ATP2A2: variants seen among roughly 807,000 people sequenced by gnomAD.
The protein encoded by ATP2A2 is ATPase sarcoplasmic/endoplasmic reticulum Ca2+ transporting 2.
Under a neutral mutation model 109.3 loss-of-function variants are expected in ATP2A2, and 14 were observed. The observed-to-expected ratio is 0.13, with a 90% confidence interval of 0.08 to 0.20. ATP2A2 has a LOEUF of 0.20. ATP2A2 is among the 10% of genes least tolerant of loss of function. The probability of loss-of-function intolerance (pLI) is 1.00; values close to 1 mark genes in which losing one functional copy is unlikely to be tolerated. For synonymous variants in ATP2A2, 506 were observed against 490.9 expected, an observed-to-expected ratio of 1.03 and a Z score of -0.41; for missense variants, 657 against 1,321.6, an observed-to-expected ratio of 0.50 and a Z score of 7.80.
At chr12:110,282,561 C>G in intron 1 of ATP2A2, 43 bp from the exon 2 acceptor site, 1 of 1,599,392 alleles carries the variant, frequency 6.3e-7, no homozygotes, top group African/African-American at 1.4e-5. Flanking sequence ...TTTTTTTAAC[C>G]TCCCTCTTGA....
chr12:110,308,017 C>A lies in ATP2A2; in HGVS notation c.463+11280C>A, dbSNP rs1039828500. On this transcript the variant is annotated intron_variant, in intron 5 of 19. Transcript: ENST00000539276. Reference sequence around the variant, plus strand: ...TTTAATTTGCCTTGAGTTAGGAATTCTTTTTTCAATTTCATTTTCAGATTG... The same window carrying A: ...TTTAATTTGCCTTGAGTTAGGAATTATTTTTTCAATTTCATTTTCAGATTG... Among the ~76,000 whole-genome samples, 26 of 152,034 alleles carry A rather than the reference C, an allele frequency of 1.7e-4. 1 individual carries two copies. Among genetic ancestry groups the A allele is most frequent in the Admixed American group, 2.6e-4 (4 of 15,266 alleles).
At chr12:110,310,603 A>G (rs759321980) in intron 5 of ATP2A2, among the ~76,000 whole-genome samples, 3 of 152,200 alleles carry the variant, frequency 2.0e-5, no homozygotes, top group Non-Finnish European at 2.9e-5. Flanking sequence ...GTCTTGTAGT[A>G]TATACTCTGG....
At chr12:110,288,352 A>G (rs905053670) in intron 3 of ATP2A2, among the ~76,000 whole-genome samples, 1 of 151,712 alleles carries the variant, frequency 6.6e-6, no homozygotes, top group African/African-American at 2.4e-5. Context: ...GATTTTCCCA[A>G]AGCATTAGGA....
At position 110,349,296 on chromosome 12, in the gene ATP2A2, C is replaced by G; in HGVS notation, c.*2826C>G. 1.0e-6 allele frequency: 1 copy of G among 985,530 alleles called. No individual in the cohort carries two copies. 61.0% of individuals were successfully genotyped at this position (985,530 alleles called of 1,614,324 possible). A position where few individuals can be genotyped will look rare whatever the true frequency, so the allele number is the denominator to read the frequency against. On this transcript the variant is annotated 3_prime_UTR_variant, in exon 20 of 20. Coordinates refer to ENST00000539276, the MANE Select transcript of ATP2A2 (RefSeq NM_170665.4). ...ACCTAACAGTGAGGCAGCAGCTGCC[C>G]AGCCCCGCAATGTGCCTGCTGTCAG...
chr12:110,280,829 A>G (rs2137666513), upstream of ATP2A2: 1 of 152,374 alleles, frequency 6.6e-6, no homozygotes, highest in East Asian at 1.9e-4. Context: ...AGGCGAGCCA[A>G]GGACATCAGC....
In ATP2A2 at chr12:110,340,097, CAGAGT is replaced by C. The variant is rs1347185313; in HGVS notation, c.1761+380_1761+384del. 6.6e-6 allele frequency among the ~76,000 whole-genome samples: 1 copy of C among 152,116 alleles called. No homozygotes were observed. Among genetic ancestry groups the C allele is most frequent in the Non-Finnish European group, 1.5e-5 (1 of 68,014 alleles). On this transcript the variant is annotated intron_variant, in intron 13 of 19. Transcript: ENST00000539276. This position sits in a 1 kb window ranked among gnomAD's most constrained non-coding sequence, Gnocchi z 6.0. Reference sequence around the variant, plus strand: ...TGGAGATTACTTCCACTTTTCTACTCAGAGTAGAATTCTTTTATATCAAGGATGTG... The same window carrying C: ...TGGAGATTACTTCCACTTTTCTACTCAGAATTCTTTTATATCAAGGATGTG...
chr12:110,328,594 G>A (rs980060229), intron 8 of ATP2A2, among the ~76,000 whole-genome samples: 4 of 152,040 alleles, frequency 2.6e-5, no homozygotes, highest in African/African-American at 9.7e-5. Flanking sequence ...AAAAGACAAG[G>A]TCTCATTCTG....
At chr12:110,300,241 A>T (rs1592808724) in intron 5 of ATP2A2, among the ~76,000 whole-genome samples, 1 of 132,890 alleles carries the variant, frequency 7.5e-6, no homozygotes, top group South Asian at 2.4e-4. Context: ...TGTCCAGGCT[A>T]CAGTGGAGTA....
chr12:110,334,486 C>T (rs78050884), intron 11 of ATP2A2, among the ~76,000 whole-genome samples: 1,776 of 152,182 alleles, frequency 0.012, 52 homozygotes, highest in African/African-American at 0.04. Context: ...AGATGTTCTT[C>T]AGCATAGGGG....
At chr12:110,304,339 A>G (rs979869793) in intron 5 of ATP2A2, among the ~76,000 whole-genome samples, 1 of 152,202 alleles carries the variant, frequency 6.6e-6, no homozygotes, top group Non-Finnish European at 1.5e-5. Flanking sequence ...GTGACTCTAT[A>G]CTTAACATTT....
Position 110,347,521 on chromosome 12 carries a change from T to C in ATP2A2, c.*1051T>C. ...ATTGTCATCTGTGATGTACATTTTA[T>C]GCAAGTTTCTGCTGGCCTGGTATAG... On this transcript the variant is annotated 3_prime_UTR_variant, in exon 20 of 20. Coordinates refer to ENST00000539276, the MANE Select transcript of ATP2A2 (RefSeq NM_170665.4). 7.8e-7 allele frequency: 1 copy of C among 1,288,750 alleles called. No individual in the cohort carries two copies. The highest frequency in any genetic ancestry group is 1.0e-6 in the Non-Finnish European group (1 of 988,312). The allele number at this position is 1,288,750 out of a possible 1,614,324, so 79.8% of individuals were successfully genotyped here.
chr12:110,318,804 C>A (rs1032579742), intron 5 of ATP2A2, among the ~76,000 whole-genome samples: 24 of 152,172 alleles, frequency 1.6e-4, no homozygotes, highest in African/African-American at 5.3e-4. Context: ...TATGTTTCTT[C>A]AATATCTTTC....
At chr12:110,306,066 C>CT (rs570291416) in intron 5 of ATP2A2, among the ~76,000 whole-genome samples, 1 of 152,284 alleles carries the variant, frequency 6.6e-6, no homozygotes, top group South Asian at 2.1e-4. Flanking sequence ...GAGTCTCGCT[C>CT]TTTCACCGCT....
chr12:110,326,388 A>G lies in ATP2A2; in HGVS notation c.545-2A>G. On this transcript the variant is annotated splice_acceptor_variant, in intron 6 of 19. Coordinates refer to ENST00000539276, the MANE Select transcript of ATP2A2 (RefSeq NM_170665.4). LOFTEE classifies it high-confidence loss of function. ...GTTTTTTCTGTCTCACAACCCGCTT[A>G]GGTGAATCTGTCTCTGTCATCAAGC... 6.2e-7 allele frequency: 1 copy of G among 1,613,738 alleles called. No homozygotes were observed. The highest frequency in any genetic ancestry group is 8.5e-7 in the Non-Finnish European group (1 of 1,179,792).
rs1186445239 is a variant in ATP2A2 at position 110,350,845 on chromosome 12, A to C, written c.*4375A>C. 2 of 162,766 alleles carry C rather than the reference A, an allele frequency of 1.2e-5. No individual in the cohort carries two copies. The highest frequency in any genetic ancestry group is 2.7e-5 in the Non-Finnish European group (2 of 73,242). 10.1% of individuals were successfully genotyped at this position (162,766 alleles called of 1,614,324 possible). ...CCAGTTCATTTTCAGTTATTTTCTGAGTGTGCAGACAGCTATTTCGCACTG... is the reference window on the plus strand; with the variant it reads ...CCAGTTCATTTTCAGTTATTTTCTGCGTGTGCAGACAGCTATTTCGCACTG... On this transcript the variant is annotated 3_prime_UTR_variant, in exon 20 of 20. Transcript: ENST00000539276.
intron 15 of ATP2A2, 132 bp from the exon 16 acceptor site, chr12:110,343,100 A>T (rs3026483): frequency 1.1e-6 from 1 of 934,596 alleles, no homozygotes. Flanking sequence ...AAAATTGGGT[A>T]TAAGTATTTT....
In ATP2A2 at chr12:110,349,300, C is replaced by A; in HGVS notation, c.*2830C>A. The A allele has an allele frequency of 2.0e-6, 2 of 985,532 alleles. No individual in the cohort carries two copies. The highest frequency in any genetic ancestry group is 1.2e-6 in the Non-Finnish European group (1 of 829,994). The allele number at this position is 985,532 out of a possible 1,614,324, so 61.0% of individuals were successfully genotyped here. A position where few individuals can be genotyped will look rare whatever the true frequency, so the allele number is the denominator to read the frequency against. ...AACAGTGAGGCAGCAGCTGCCCAGCCCCGCAATGTGCCTGCTGTCAGGCAG... is the reference window on the plus strand; with the variant it reads ...AACAGTGAGGCAGCAGCTGCCCAGCACCGCAATGTGCCTGCTGTCAGGCAG... On this transcript the variant is annotated 3_prime_UTR_variant, in exon 20 of 20. Transcript: ENST00000539276.
In ATP2A2 at chr12:110,339,195, T is replaced by C; in HGVS notation, c.1420-86T>C. On this transcript the variant is annotated intron_variant, in intron 11 of 19. Coordinates refer to ENST00000539276, the MANE Select transcript of ATP2A2 (RefSeq NM_170665.4). The surrounding 1 kb of genome is among the most constrained non-coding windows in gnomAD (Gnocchi z 4.4). ...TTTATTGCTATATTCCTAGCATCTG[T>C]CATGTAATAGGTGTGCTTACTGCTT... 6.4e-7 allele frequency: 1 copy of C among 1,551,790 alleles called. No homozygotes were observed. Among genetic ancestry groups the C allele is most frequent in the South Asian group, 1.1e-5 (1 of 88,972 alleles).
intron 3 of ATP2A2, among the ~76,000 whole-genome samples, chr12:110,285,353 A>G (rs757460263): frequency 2.6e-5 from 4 of 152,146 alleles, no homozygotes; most frequent in African/African-American, 4.8e-5. Context: ...CCCCCCCTCT[A>G]TCATTCACTT....
Sources: gnomAD v4.1 joint callset for allele counts (sites outside exome capture counted in the v4.1 genomes callset) on GRCh38, gnomAD v4.1.1 for gene constraint, Gnocchi (gnomAD v3.1) non-coding constraint, MANE v1.5 for transcripts, NCBI Gene and HGNC (gene_info 2026-07-23, HGNC 2026-07-21) for gene names.